Variants in ACTR3B observed in about 807,000 individuals in gnomAD.
ACTR3B encodes actin related protein 3B, also known as actin-related protein 3B.
Under a neutral mutation model 59.0 loss-of-function variants are expected in ACTR3B, and 8 were observed. That is an observed-to-expected ratio of 0.14 (90% confidence interval 0.08 to 0.24). The LOEUF (loss-of-function observed/expected upper bound fraction) is 0.24. ACTR3B is among the 10% of genes least tolerant of loss of function. The probability of loss-of-function intolerance (pLI) is 1.00; values close to 1 mark genes in which losing one functional copy is unlikely to be tolerated. For missense variants in ACTR3B, 245 were observed against 552.3 expected, an observed-to-expected ratio of 0.44 and a Z score of 5.58; for synonymous variants, 148 against 197.9, an observed-to-expected ratio of 0.75 and a Z score of 2.12.
chr7:152,773,002 G>A (rs1021544025), intron 1 of ACTR3B, among the ~76,000 whole-genome samples: 2 of 151,916 alleles, frequency 1.3e-5, no homozygotes, highest in African/African-American at 4.8e-5. Context: ...TTTTGAAATT[G>A]ATAAATTGAG....
At chr7:152,832,072 A>G (rs1797075376) in intron 9 of ACTR3B, among the ~76,000 whole-genome samples, 1 of 152,210 alleles carries the variant, frequency 6.6e-6, no homozygotes, top group Admixed American at 6.5e-5. Flanking sequence ...ACGCGGAGGC[A>G]GGACAGTGCC....
chr7:152,791,292 C>T (rs1462535330), intron 2 of ACTR3B, among the ~76,000 whole-genome samples: 12 of 152,072 alleles, frequency 7.9e-5, no homozygotes, highest in Non-Finnish European at 1.3e-4. Flanking sequence ...AGGCGTGAGC[C>T]GCTGTGCCGG....
intron 9 of ACTR3B, among the ~76,000 whole-genome samples, chr7:152,845,425 A>C (rs1364304826): frequency 1.3e-5 from 2 of 152,068 alleles, no homozygotes; most frequent in African/African-American, 2.4e-5. Flanking sequence ...TTTGTTGCCT[A>C]GTTTTTAAAG....
intron 7 of ACTR3B, among the ~76,000 whole-genome samples, chr7:152,822,294 C>T (rs1182916246): frequency 6.6e-6 from 1 of 152,230 alleles, no homozygotes; most frequent in Admixed American, 6.5e-5. Flanking sequence ...ATTCCTTCCA[C>T]GGTGTGCTCA....
chr7:152,765,676 T>A (rs1329593729), intron 1 of ACTR3B, among the ~76,000 whole-genome samples: 1 of 152,148 alleles, frequency 6.6e-6, no homozygotes, highest in Non-Finnish European at 1.5e-5. Context: ...TACCTTGAGA[T>A]GTATGAAGGC....
chr7:152,838,426 A>G, intron 9 of ACTR3B, among the ~76,000 whole-genome samples: 1 of 152,266 alleles, frequency 6.6e-6, no homozygotes, highest in East Asian at 1.9e-4. Context: ...TCAGCAAACT[A>G]TCACAGGAAC....
intron 1 of ACTR3B, among the ~76,000 whole-genome samples, chr7:152,769,869 T>TAA (rs5888484): frequency 4.6e-4 from 64 of 139,482 alleles, no homozygotes; most frequent in African/African-American, 1.5e-3. Flanking sequence ...ATCTGATTTG[T>TAA]AAAAAAAAAA....
intron 6 of ACTR3B, among the ~76,000 whole-genome samples, chr7:152,819,308 A>C (rs1047150265): frequency 1.3e-5 from 2 of 152,246 alleles, no homozygotes; most frequent in African/African-American, 4.8e-5. Context: ...TACATCTGTA[A>C]AATGAAGTCA....
At chr7:152,785,182 A>G (rs2098167376) in intron 2 of ACTR3B, among the ~76,000 whole-genome samples, 1 of 151,434 alleles carries the variant, frequency 6.6e-6, no homozygotes, top group Non-Finnish European at 1.5e-5. Context: ...TGGCTGCCCC[A>G]TTTAACCTGT....
At chr7:152,782,289 G>A (rs76858903) in intron 1 of ACTR3B, among the ~76,000 whole-genome samples, 62,981 of 145,250 alleles carry the variant, frequency 0.43, 14,430 homozygotes, top group Non-Finnish European at 0.5. Flanking sequence ...CGGCTTGGTT[G>A]TCCAGACGTT....
At chr7:152,760,681 T>A (rs2098086817) in intron 1 of ACTR3B, among the ~76,000 whole-genome samples, 1 of 152,214 alleles carries the variant, frequency 6.6e-6, no homozygotes, top group Admixed American at 6.5e-5. Context: ...GAGGTTTTTG[T>A]TTTTAACTTT....
chr7:152,829,351 C>T (rs190966926), intron 9 of ACTR3B, among the ~76,000 whole-genome samples: 2 of 152,198 alleles, frequency 1.3e-5, no homozygotes, highest in Admixed American at 1.3e-4. Flanking sequence ...TGACTAACAT[C>T]TCCCCACTCC....
chr7:152,767,260 A>G (rs577503279), intron 1 of ACTR3B, among the ~76,000 whole-genome samples: 279 of 152,274 alleles, frequency 1.8e-3, no homozygotes, highest in African/African-American at 6.0e-3. Flanking sequence ...AAAAAACCCA[A>G]TGACTGGAGA....
Position 152,843,140 on chromosome 7 carries a change from GCTTGT to G in ACTR3B, c.952-8982_952-8978del, listed in dbSNP as rs779389421. ...TTGCAGATTTTTTTGCTAGTCTGTG[GCTTGT>G]CTTTTCATATTCTTGGTGGTTTTTG... On this transcript the variant is annotated intron_variant, in intron 9 of 11. Transcript: ENST00000256001. Among the ~76,000 whole-genome samples, 4 of 152,018 alleles carry G rather than the reference GCTTGT, an allele frequency of 2.6e-5. No individual in the cohort carries two copies. The East Asian group carries it at 7.7e-4, about 29-fold the overall frequency.
At chr7:152,784,705 T>G (rs1236977207) in intron 2 of ACTR3B, among the ~76,000 whole-genome samples, 1 of 152,302 alleles carries the variant, frequency 6.6e-6, no homozygotes, top group Middle Eastern at 3.4e-3. Flanking sequence ...GTGAGGCCTC[T>G]CTCCACGGCC....
intron 9 of ACTR3B, among the ~76,000 whole-genome samples, chr7:152,846,739 G>A (rs953558659): frequency 1.5e-5 from 2 of 133,852 alleles, no homozygotes; most frequent in African/African-American, 5.7e-5. Flanking sequence ...TCTAGCGCCC[G>A]GGGCTGTAGT....
At chr7:152,853,444 T>C in intron 10 of ACTR3B, 50 bp from the exon 11 acceptor site, 11 of 1,559,196 alleles carry the variant, frequency 7.1e-6, no homozygotes, top group Non-Finnish European at 9.7e-6. Context: ...GATGATTAGA[T>C]CACATGTGTC....
At chr7:152,840,599 CG>C (rs1306334425) in intron 9 of ACTR3B, among the ~76,000 whole-genome samples, 1 of 143,452 alleles carries the variant, frequency 7.0e-6, no homozygotes, top group African/African-American at 2.6e-5. Context: ...GTCAGGAAAA[CG>C]GGGTTTCTAC....
At position 152,854,375 on chromosome 7, in the gene ACTR3B, G is replaced by A; in HGVS notation, c.1162-83G>A. 7.9e-7 allele frequency: 1 copy of A among 1,262,498 alleles called. No individual in the cohort carries two copies. The allele number at this position is 1,262,498 out of a possible 1,614,324, so 78.2% of individuals were successfully genotyped here. A position where few individuals can be genotyped will look rare whatever the true frequency, so the allele number is the denominator to read the frequency against. ...GGGAGGGTGGAGGCCGGGATGAGGA[G>A]AGTGTCTTGCCTGCTTGGTAGCTGG... On this transcript the variant is annotated intron_variant, in intron 11 of 11. Transcript: ENST00000256001. This position sits in a 1 kb window ranked among gnomAD's most constrained non-coding sequence, Gnocchi z 4.9.
Sources: allele counts gnomAD v4.1 joint callset (sites outside exome capture counted in the v4.1 genomes callset), GRCh38; gene constraint gnomAD v4.1.1; non-coding constraint Gnocchi (gnomAD v3.1); transcripts MANE v1.5; gene names NCBI Gene and HGNC (gene_info 2026-07-23, HGNC 2026-07-21).